Variants in EYS observed in about 807,000 individuals in gnomAD.
EYS encodes the protein EGF-like photoreceptor maintenance factor.
Under a neutral mutation model 282.1 loss-of-function variants are expected in EYS, and 250 were observed. The observed-to-expected ratio is 0.89, with a 90% confidence interval of 0.80 to 0.98. The LOEUF (loss-of-function observed/expected upper bound fraction) is 0.98, where lower values mean the gene tolerates loss of function less well. Ranked by LOEUF, EYS falls within the 50% of genes least tolerant of loss-of-function variation. EYS has a pLI of 0.00. For synonymous variants in EYS, 1,355 were observed against 1,282.9 expected (o/e 1.06, Z -1.20); for missense variants, 4,016 against 3,709.0 (o/e 1.08, Z -2.15).
At chr6:64,590,165 C>A in intron 26 of EYS, 58 bp downstream of exon 26, 1 of 1,391,344 alleles carries the variant, frequency 7.2e-7, no homozygotes, top group South Asian at 1.5e-5. Context: ...GCTCTTTCTT[C>A]TCTGTAGAAA....
At chr6:64,368,292 C>A (rs1397923086) in intron 29 of EYS, among the ~76,000 whole-genome samples, 1 of 152,150 alleles carries the variant, frequency 6.6e-6, no homozygotes, top group African/African-American at 2.4e-5. Context: ...TTTATGACTT[C>A]TTTCGTGGTG....
chr6:64,372,981 C>T (rs116289272), intron 29 of EYS, among the ~76,000 whole-genome samples: 486 of 152,152 alleles, frequency 3.2e-3, no homozygotes, highest in Non-Finnish European at 5.1e-3. Context: ...TATTGTAATC[C>T]TTAGATTTGG....
chr6:65,458,027 C>T (rs768854493), intron 5 of EYS, among the ~76,000 whole-genome samples: 5 of 152,240 alleles, frequency 3.3e-5, no homozygotes, highest in Non-Finnish European at 7.4e-5. Flanking sequence ...TCCCTCCCCA[C>T]TCATAAAAAG....
chr6:65,698,165 A>G (rs1162094595), intron 1 of EYS, among the ~76,000 whole-genome samples: 2 of 152,164 alleles, frequency 1.3e-5, no homozygotes, highest in Non-Finnish European at 2.9e-5. Context: ...ATCATTATAC[A>G]TAAAGAATAG....
chr6:65,447,336 A>ATG (rs1768706622), intron 5 of EYS, among the ~76,000 whole-genome samples: 1 of 137,012 alleles, frequency 7.3e-6, no homozygotes, highest in Admixed American at 7.6e-5. Flanking sequence ...GTGTGTGTAT[A>ATG]TATATATATA....
At chr6:64,538,727 T>C (rs76194245) in intron 26 of EYS, among the ~76,000 whole-genome samples, 5,345 of 152,268 alleles carry the variant, frequency 0.035, 200 homozygotes, top group East Asian at 0.11. Flanking sequence ...CTCCTTTAAC[T>C]ATCATAAAAA....
intron 19 of EYS, among the ~76,000 whole-genome samples, chr6:64,849,923 A>G (rs2150040983): frequency 6.6e-6 from 1 of 152,122 alleles, no homozygotes; most frequent in African/African-American, 2.4e-5. Context: ...TTTTTTATAT[A>G]ATAATTTAAT....
intron 2 of EYS, among the ~76,000 whole-genome samples, chr6:65,526,095 G>A (rs1008940602): frequency 1.3e-5 from 2 of 152,100 alleles, no homozygotes; most frequent in African/African-American, 4.8e-5. Flanking sequence ...TTAGTGAAGG[G>A]TATCACATGG....
intron 29 of EYS, among the ~76,000 whole-genome samples, chr6:64,367,696 C>T (rs1341535441): frequency 6.6e-6 from 1 of 151,850 alleles, no homozygotes; most frequent in African/African-American, 2.4e-5. Context: ...TTCTATATTG[C>T]ATATGTCATT....
chr6:65,590,740 C>T (rs921547634), intron 2 of EYS, among the ~76,000 whole-genome samples: 9 of 151,964 alleles, frequency 5.9e-5, no homozygotes, highest in Non-Finnish European at 1.2e-4. Flanking sequence ...TCTTTCTATG[C>T]CTGGCTTGTT....
intron 28 of EYS, among the ~76,000 whole-genome samples, chr6:64,414,999 T>G (rs1774018498): frequency 6.6e-6 from 1 of 152,128 alleles, no homozygotes; most frequent in Non-Finnish European, 1.5e-5. Context: ...AGTATGTCTC[T>G]CTCTAATTTT....
chr6:63,826,707 A>G (rs7742833), intron 36 of EYS, among the ~76,000 whole-genome samples: 73,803 of 151,858 alleles, frequency 0.49, 19,873 homozygotes, highest in Non-Finnish European at 0.6. Flanking sequence ...AGAATTCACC[A>G]TTACCAAGCC....
chr6:65,367,255 A>C (rs376656940), intron 8 of EYS, among the ~76,000 whole-genome samples: 98 of 151,758 alleles, frequency 6.5e-4, no homozygotes, highest in African/African-American at 2.3e-3. Context: ...ATGGCTCTAA[A>C]TCCTGTTAAT....
At chr6:65,513,426 C>T (rs1289251875) in intron 2 of EYS, among the ~76,000 whole-genome samples, 2 of 152,076 alleles carry the variant, frequency 1.3e-5, no homozygotes, top group Non-Finnish European at 2.9e-5. Context: ...GGGAATCCTC[C>T]CTAACTCATT....
intron 13 of EYS, among the ~76,000 whole-genome samples, chr6:65,021,545 C>G (rs1772253763): frequency 6.6e-6 from 1 of 152,206 alleles, no homozygotes; most frequent in African/African-American, 2.4e-5. Context: ...CTTCATGTCT[C>G]TAAGAAGTTC....
At chr6:65,646,573 C>T (rs564735734) in intron 1 of EYS, among the ~76,000 whole-genome samples, 24 of 152,206 alleles carry the variant, frequency 1.6e-4, no homozygotes, top group African/African-American at 5.5e-4. Context: ...CATTATACTG[C>T]ATGGGAAGAA....
chr6:64,711,862 G>C (rs1771224980), intron 22 of EYS, among the ~76,000 whole-genome samples: 1 of 152,150 alleles, frequency 6.6e-6, no homozygotes, highest in Non-Finnish European at 1.5e-5. Context: ...GCACAGGATG[G>C]GGAGTGCATT....
Position 64,945,773 on chromosome 6 carries a change from G to T in EYS, c.2381+20C>A, listed in dbSNP as rs964021430. On this transcript the variant is annotated intron_variant, in intron 15 of 42. Coordinates refer to ENST00000503581, the MANE Select transcript of EYS (RefSeq NM_001142800.2). ...CACTCCAAGTAATTTCATGAAGAAAGCTAAAAATATGTTACTCACCGATAG... is the reference window on the plus strand; with the variant it reads ...CACTCCAAGTAATTTCATGAAGAAATCTAAAAATATGTTACTCACCGATAG... 6.5e-7 allele frequency: 1 copy of T among 1,547,006 alleles called. No individual in the cohort carries two copies. Among genetic ancestry groups the T allele is most frequent in the Non-Finnish European group, 8.7e-7 (1 of 1,143,972 alleles).
At chr6:64,468,959 A>C (rs1217066745) in intron 26 of EYS, among the ~76,000 whole-genome samples, 1 of 152,150 alleles carries the variant, frequency 6.6e-6, no homozygotes, top group African/African-American at 2.4e-5. Flanking sequence ...TGCTGCAGTG[A>C]ACACACATGT....
Sources: gnomAD v4.1 joint callset for allele counts (sites outside exome capture counted in the v4.1 genomes callset) on GRCh38, gnomAD v4.1.1 for gene constraint, MANE v1.5 for transcripts, NCBI Gene and HGNC (gene_info 2026-07-23, HGNC 2026-07-21) for gene names.